CDH18: variants seen among roughly 807,000 people sequenced by gnomAD.
The protein encoded by CDH18 is cadherin-18.
Under a neutral mutation model 67.9 loss-of-function variants are expected in CDH18, and 31 were observed. The observed-to-expected ratio is 0.46, with a 90% CI of 0.34 to 0.62. The LOEUF is 0.62. CDH18 is among the 20% of genes least tolerant of loss of function. The probability of loss-of-function intolerance (pLI) is 0.01; values close to 1 mark genes in which losing one functional copy is unlikely to be tolerated. For missense variants in CDH18, 890 were observed against 975.5 expected (o/e 0.91, Z 1.17); for synonymous variants, 362 against 347.2 (o/e 1.04, Z -0.48).
intron 2 of CDH18, among the ~76,000 whole-genome samples, chr5:20,032,092 G>T (rs1357195869): frequency 6.6e-6 from 1 of 151,928 alleles, no homozygotes; most frequent in African/African-American, 2.4e-5. Flanking sequence ...TTTCTAGAAG[G>T]CTATTTCTTC....
At chr5:20,467,128 T>C (rs924765194) in intron 1 of CDH18, among the ~76,000 whole-genome samples, 2 of 152,126 alleles carry the variant, frequency 1.3e-5, no homozygotes, top group African/African-American at 4.8e-5. Context: ...TGGTTCAATA[T>C]GACCATTGTG....
At chr5:19,687,629 G>T (rs1761290126) in intron 5 of CDH18, among the ~76,000 whole-genome samples, 2 of 152,250 alleles carry the variant, frequency 1.3e-5, no homozygotes, top group Admixed American at 1.3e-4. Context: ...CAGTGGCAGG[G>T]CTCCAGTGCA....
chr5:19,962,482 A>T (rs947267096), intron 2 of CDH18, among the ~76,000 whole-genome samples: 7 of 150,948 alleles, frequency 4.6e-5, no homozygotes, highest in African/African-American at 1.7e-4. Context: ...TTATTTTTCA[A>T]AAATAAGGGG....
chr5:19,841,695 A>G (rs1782339779), intron 2 of CDH18, among the ~76,000 whole-genome samples: 1 of 152,168 alleles, frequency 6.6e-6, no homozygotes, highest in Admixed American at 6.5e-5. Flanking sequence ...TAAAATTAAC[A>G]TCTTTGCCCT....
intron 3 of CDH18, among the ~76,000 whole-genome samples, chr5:19,758,644 T>C (rs932971175): frequency 1.3e-5 from 2 of 152,166 alleles, no homozygotes; most frequent in South Asian, 4.1e-4. Context: ...AAAACCTAAA[T>C]AGCCCCACTA....
At position 20,533,607 on chromosome 5, in the gene CDH18, T is replaced by C. The variant is rs890910181; in HGVS notation, c.-580+41855A>G. Among the ~76,000 whole-genome samples the C allele has an allele frequency of 5.4e-4, 82 of 152,106 alleles. 1 individual carries two copies. The highest frequency in any genetic ancestry group is 1.5e-4 in the Non-Finnish European group (10 of 67,994). ...TGAAGCAAAGTTCAAATAAGTGTAT[T>C]GCCTTCTGTTTCTGTTTATAAAGCC... On this transcript the variant is annotated intron_variant, in intron 1 of 14. Coordinates refer to the CDH18 transcript ENST00000507958.
At chr5:20,383,962 T>C (rs896926955) in intron 1 of CDH18, among the ~76,000 whole-genome samples, 12 of 152,012 alleles carry the variant, frequency 7.9e-5, no homozygotes, top group Non-Finnish European at 2.9e-5. Flanking sequence ...GATCTAAAAT[T>C]TAAATTCAAG....
rs190031223 is a variant in CDH18, at chr5:20,398,934, T to C, written c.-579-143429A>G. 1.3e-3 allele frequency among the ~76,000 whole-genome samples: 112 copies of C among 84,772 alleles called. 6 individuals carry two copies. The highest frequency in any genetic ancestry group is 4.6e-3 in the African/African-American group (106 of 23,086). The allele number at this position is 84,772 out of a possible 152,430, so 55.6% of individuals were successfully genotyped here. A position where few individuals can be genotyped will look rare whatever the true frequency, so the allele number is the denominator to read the frequency against. ...GTAGAAAACCACCACGGCACACGTA[T>C]ACCTACATAGAAAACCACCATGGCA... On this transcript the variant is annotated intron_variant, in intron 1 of 14. Transcript: ENST00000507958.
upstream of CDH18, among the ~76,000 whole-genome samples, chr5:19,989,022 G>T (rs375204368): frequency 6.2e-4 from 94 of 152,182 alleles, no homozygotes; most frequent in South Asian, 0.017. Context: ...AAATTAAATC[G>T]ATTTGCAATG....
intron 1 of CDH18, among the ~76,000 whole-genome samples, chr5:20,551,959 T>C (rs1304702872): frequency 6.6e-6 from 1 of 152,048 alleles, no homozygotes; most frequent in Non-Finnish European, 1.5e-5. Flanking sequence ...TTTGAGATGA[T>C]CAATAATTTG....
At chr5:20,130,780 G>A (rs1394801057) in intron 2 of CDH18, among the ~76,000 whole-genome samples, 1 of 151,892 alleles carries the variant, frequency 6.6e-6, no homozygotes, top group Non-Finnish European at 1.5e-5. Context: ...ATCAATATAA[G>A]TAATATTTTA....
At chr5:20,293,439 A>AT (rs1747254383) in intron 1 of CDH18, among the ~76,000 whole-genome samples, 1 of 152,128 alleles carries the variant, frequency 6.6e-6, no homozygotes, top group South Asian at 2.1e-4. Context: ...TAAGGAAGAG[A>AT]TAAGTGCTGA....
intron 1 of CDH18, among the ~76,000 whole-genome samples, chr5:20,285,351 G>GC (rs1263725770): frequency 2.0e-5 from 3 of 148,194 alleles, no homozygotes; most frequent in Admixed American, 6.8e-5. Flanking sequence ...CTGAGATAGG[G>GC]CCATATAATC....
intron 2 of CDH18, among the ~76,000 whole-genome samples, chr5:20,051,211 A>G (rs1741389858): frequency 6.6e-6 from 1 of 151,984 alleles, no homozygotes; most frequent in South Asian, 2.1e-4. Flanking sequence ...TTGAACAAGG[A>G]AAGTTGTGTG....
intron 2 of CDH18, among the ~76,000 whole-genome samples, chr5:20,019,346 T>C (rs1214238361): frequency 6.6e-6 from 1 of 152,210 alleles, no homozygotes; most frequent in East Asian, 1.9e-4. Flanking sequence ...GGATGATATA[T>C]GGTAACACAG....
chr5:20,001,940 T>C (rs140126748), intron 2 of CDH18, among the ~76,000 whole-genome samples: 3 of 152,324 alleles, frequency 2.0e-5, no homozygotes, highest in African/African-American at 7.2e-5. Flanking sequence ...ATTTTCAAAG[T>C]GGCACTGTCA....
At chr5:19,983,001 C>CACTG (rs1799208953) in intron 1 of CDH18, among the ~76,000 whole-genome samples, 1 of 69,894 alleles carries the variant, frequency 1.4e-5, no homozygotes, top group Non-Finnish European at 4.2e-5. Context: ...CCACTGTCGT[C>CACTG]CAGCCTGGGC....
chr5:20,237,740 C>A (rs1742587443), intron 2 of CDH18, among the ~76,000 whole-genome samples: 1 of 151,944 alleles, frequency 6.6e-6, no homozygotes, highest in Non-Finnish European at 1.5e-5. Context: ...TTCACAAGTT[C>A]ATCTACAGAT....
chr5:20,305,231 C>G, intron 1 of CDH18: 1 of 1,383,102 alleles, frequency 7.2e-7, no homozygotes, highest in Non-Finnish European at 1.0e-6. Flanking sequence ...CTACCAAATC[C>G]AGGAAACCGT....
Sources: gnomAD v4.1 joint callset for allele counts (sites outside exome capture counted in the v4.1 genomes callset) on GRCh38, gnomAD v4.1.1 for gene constraint, MANE v1.5 for transcripts, NCBI Gene and HGNC (gene_info 2026-07-23, HGNC 2026-07-21) for gene names.